Variants in CHST12 observed in about 807,000 individuals in gnomAD.
The protein encoded by CHST12 is carbohydrate (chondroitin 4) sulfotransferase 12.
Under a neutral mutation model 27.9 loss-of-function variants are expected in CHST12, and 23 were observed. That is an observed-to-expected ratio of 0.82 (90% CI 0.59 to 1.17). CHST12 has a LOEUF of 1.17. Among genes scored for constraint, CHST12 ranks in the 50% most tolerant of loss-of-function variants. The probability of loss-of-function intolerance (pLI) is 0.00; values close to 1 mark genes in which losing one functional copy is unlikely to be tolerated. For synonymous variants in CHST12, 322 were observed against 273.0 expected (o/e 1.18, Z -1.77); for missense variants, 682 against 603.0 (o/e 1.13, Z -1.37).
intron 1 of CHST12, among the ~76,000 whole-genome samples, chr7:2,423,562 A>G (rs1003155279): frequency 2.0e-5 from 3 of 152,182 alleles, no homozygotes; most frequent in Non-Finnish European, 4.4e-5. Context: ...CTGGTGCACT[A>G]CAGGCCACAG....
chr7:2,434,019 A>G lies in CHST12; in HGVS notation c.*135A>G. On this transcript the variant is annotated 3_prime_UTR_variant, in exon 2 of 2. Transcript: ENST00000618655. ...TCTATCCATTGAGTACTGTATCGATATTGTTTTTTAAGATTAATATATTTC... is the reference window on the plus strand; with the variant it reads ...TCTATCCATTGAGTACTGTATCGATGTTGTTTTTTAAGATTAATATATTTC... 2 of 647,118 alleles carry G rather than the reference A, an allele frequency of 3.1e-6. No individual in the cohort carries two copies. The highest frequency in any genetic ancestry group is 5.2e-6 in the Non-Finnish European group (2 of 381,960). The allele number at this position is 647,118 out of a possible 1,614,324, so 40.1% of individuals were successfully genotyped here.
intron 1 of CHST12, among the ~76,000 whole-genome samples, chr7:2,412,319 A>G (rs1165624067): frequency 2.6e-5 from 4 of 152,246 alleles, no homozygotes; most frequent in Admixed American, 6.5e-5. Flanking sequence ...TGTAAGTTCC[A>G]GGCAGCCCAG....
rs1782785906 is a variant in CHST12, at chr7:2,447,568, G to A, written c.*13684G>A. On this transcript the variant is annotated 3_prime_UTR_variant, in exon 2 of 2. Coordinates refer to ENST00000618655, the MANE Select transcript of CHST12 (RefSeq NM_018641.5). ...GCTCACTGCAACCTCCACCTCCCAGGTTCAAGCGATTTTCATGCCTCAGCT... is the reference window on the plus strand; with the variant it reads ...GCTCACTGCAACCTCCACCTCCCAGATTCAAGCGATTTTCATGCCTCAGCT... 1 of 152,028 alleles carries A rather than the reference G, an allele frequency of 6.6e-6. No individual in the cohort carries two copies. Among genetic ancestry groups the A allele is most frequent in the African/African-American group, 2.4e-5 (1 of 41,344 alleles). The allele number at this position is 152,028 out of a possible 1,614,324, so 9.4% of individuals were successfully genotyped here. A position where few individuals can be genotyped will look rare whatever the true frequency, so the allele number is the denominator to read the frequency against.
rs1022853496 is a variant in CHST12 at position 2,440,977 on chromosome 7, G to A, written c.*7093G>A. 1 of 152,166 alleles carries A rather than the reference G, an allele frequency of 6.6e-6. No individual in the cohort carries two copies. The highest frequency in any genetic ancestry group is 2.1e-4 in the South Asian group (1 of 4,828). The allele number at this position is 152,166 out of a possible 1,614,324, so 9.4% of individuals were successfully genotyped here. On this transcript the variant is annotated 3_prime_UTR_variant, in exon 2 of 2. Transcript: ENST00000618655. Reference sequence around the variant, plus strand: ...TTTTCCTTGTCTAAGCACCATCCTTGCTTAGGAGAGACACGGCTGTGGCTC... The same window carrying A: ...TTTTCCTTGTCTAAGCACCATCCTTACTTAGGAGAGACACGGCTGTGGCTC...
Position 2,417,633 on chromosome 7 carries a change from G to A in CHST12, c.-78+13960G>A, listed in dbSNP as rs757187907. 1.8e-4 allele frequency among the ~76,000 whole-genome samples: 28 copies of A among 151,890 alleles called. 1 individual carries two copies. The highest frequency in any genetic ancestry group is 1.1e-3 in the Admixed American group (16 of 15,224). ...TCGAACTCCTGACCTCAACTGATCC[G>A]CCTGCCTTGGCCTCCCAAAGTGCTG... On this transcript the variant is annotated intron_variant, in intron 1 of 1. Transcript: ENST00000618655.
chr7:2,423,985 G>A (rs1474253281), intron 1 of CHST12, among the ~76,000 whole-genome samples: 2 of 152,088 alleles, frequency 1.3e-5, no homozygotes, highest in African/African-American at 2.4e-5. Context: ...CTGGGAGGTC[G>A]AGGCTGCAGT....
At chr7:2,426,914 C>T (rs532310310) in intron 1 of CHST12, among the ~76,000 whole-genome samples, 2 of 152,206 alleles carry the variant, frequency 1.3e-5, no homozygotes, top group African/African-American at 4.8e-5. Context: ...TCACTTGAAC[C>T]TGGGAGGCGG....
At chr7:2,418,253 GAC>G (rs963904956) in intron 1 of CHST12, among the ~76,000 whole-genome samples, 13 of 152,384 alleles carry the variant, frequency 8.5e-5, no homozygotes, top group African/African-American at 2.9e-4. Context: ...CCGGAGCTAA[GAC>G]ACAACTCTGT....
At chr7:2,431,936 G>A (rs1782278883) in intron 1 of CHST12, among the ~76,000 whole-genome samples, 1 of 151,904 alleles carries the variant, frequency 6.6e-6, no homozygotes, top group South Asian at 2.1e-4. Flanking sequence ...ACCACTGTGG[G>A]GTTTGATGAT....
At chr7:2,429,818 T>C (rs897408490) in intron 1 of CHST12, among the ~76,000 whole-genome samples, 1 of 152,172 alleles carries the variant, frequency 6.6e-6, no homozygotes, top group Admixed American at 6.5e-5. Context: ...TTGGTCTTGC[T>C]AAGACCAAGG....
At position 2,432,779 on chromosome 7, in the gene CHST12, C is replaced by T. The variant is rs750508134; in HGVS notation, c.140C>T (p.Pro47Leu). 11 of 1,613,558 alleles carry T rather than the reference C, an allele frequency of 6.8e-6. No homozygotes were observed. The highest frequency in any genetic ancestry group is 4.5e-5 in the East Asian group (2 of 44,882). ...HTSFSRPHTG[P>L]PLPTPGPDRD... The stretch of plus-strand genomic sequence containing the variant: ...TCCTTCTCTAGGCCGCACACGGGGC[C>T]GCCGCTGCCCACGCCCGGGCCGGAC... The change falls in exon 2 of 2, where the codon CCG becomes CTG. Residue 47 changes from proline (P) to leucine (L), a missense_variant. Pro to Leu is a moderately conservative substitution (Grantham distance 98). Transcript: ENST00000618655.
chr7:2,403,855 G>A (rs1781449564), intron 1 of CHST12, among the ~76,000 whole-genome samples, 182 bp downstream of exon 1: 1 of 152,008 alleles, frequency 6.6e-6, no homozygotes, highest in South Asian at 2.1e-4. Context: ...GGCGCGCAGT[G>A]TGACCTTGGC....
At position 2,437,060 on chromosome 7, in the gene CHST12, T is replaced by A. The variant is rs1782491577; in HGVS notation, c.*3176T>A. ...CACACTGCGTAGAGACCTTTGGCTCTGGTTTTTTCTTTTTCCACTGAAACA... is the reference window on the plus strand; with the variant it reads ...CACACTGCGTAGAGACCTTTGGCTCAGGTTTTTTCTTTTTCCACTGAAACA... On this transcript the variant is annotated 3_prime_UTR_variant, in exon 2 of 2. Coordinates refer to ENST00000618655, the MANE Select transcript of CHST12 (RefSeq NM_018641.5). 6.6e-6 allele frequency: 1 copy of A among 152,270 alleles called. No homozygotes were observed. The highest frequency in any genetic ancestry group is 2.1e-4 in the South Asian group (1 of 4,836). 9.4% of individuals were successfully genotyped at this position (152,270 alleles called of 1,614,324 possible). A position where few individuals can be genotyped will look rare whatever the true frequency, so the allele number is the denominator to read the frequency against.
At chr7:2,424,928 G>C (rs538156847) in intron 1 of CHST12, among the ~76,000 whole-genome samples, 19 of 152,268 alleles carry the variant, frequency 1.2e-4, no homozygotes, top group Admixed American at 2.6e-4. Flanking sequence ...GCTCCAGGCC[G>C]GGCGTGGTGG....
intron 1 of CHST12, among the ~76,000 whole-genome samples, chr7:2,412,747 A>G (rs990607567): frequency 5.9e-5 from 9 of 152,214 alleles, no homozygotes; most frequent in Admixed American, 1.3e-4. Flanking sequence ...AGCTATGTAG[A>G]CTTGTGCAAG....
chr7:2,414,169 C>T (rs956933271), intron 1 of CHST12, among the ~76,000 whole-genome samples: 1 of 152,092 alleles, frequency 6.6e-6, no homozygotes, highest in African/African-American at 2.4e-5. Context: ...GGTTTATTTT[C>T]CGTTGTAAGA....
intron 1 of CHST12, among the ~76,000 whole-genome samples, chr7:2,409,339 G>T (rs1396697046): frequency 1.3e-5 from 2 of 152,176 alleles, no homozygotes; most frequent in Non-Finnish European, 2.9e-5. Flanking sequence ...AGCGGGTAGG[G>T]CGTGGTGGTT....
intron 1 of CHST12, among the ~76,000 whole-genome samples, chr7:2,412,897 AGT>A (rs1781703474): frequency 7.0e-6 from 1 of 143,432 alleles, no homozygotes; most frequent in Admixed American, 7.0e-5. Flanking sequence ...GCAAATAGAC[AGT>A]TTTTTTTTTT....
In CHST12 at chr7:2,437,118, C is replaced by T. The variant is rs1321389478; in HGVS notation, c.*3234C>T. Reference sequence around the variant, plus strand: ...TTATACATTTTATGAAAATTGGCATCGTACAACTGGAAAATTTAACCATAA... The same window carrying T: ...TTATACATTTTATGAAAATTGGCATTGTACAACTGGAAAATTTAACCATAA... On this transcript the variant is annotated 3_prime_UTR_variant, in exon 2 of 2. Coordinates refer to ENST00000618655, the MANE Select transcript of CHST12 (RefSeq NM_018641.5). The T allele has an allele frequency of 2.0e-5, 3 of 152,230 alleles. No homozygotes were observed. Among genetic ancestry groups the T allele is most frequent in the Non-Finnish European group, 4.4e-5 (3 of 68,042 alleles). 9.4% of individuals were successfully genotyped at this position (152,230 alleles called of 1,614,324 possible). A position where few individuals can be genotyped will look rare whatever the true frequency, so the allele number is the denominator to read the frequency against.
Sources: allele counts gnomAD v4.1 joint callset (sites outside exome capture counted in the v4.1 genomes callset), GRCh38; gene constraint gnomAD v4.1.1; transcripts MANE v1.5; gene names NCBI Gene and HGNC (gene_info 2026-07-23, HGNC 2026-07-21).